The following GRIK1 variants were observed in gnomAD, a reference collection of about 807,000 sequenced individuals.
GRIK1 encodes glutamate receptor ionotropic, kainate 1.
In GRIK1, 69 loss-of-function variants were observed where a neutral mutation model predicts 105.7. That is an observed-to-expected ratio of 0.65 (90% CI 0.54 to 0.80). The LOEUF is 0.80. Ranked by LOEUF, GRIK1 falls within the 30% of genes least tolerant of loss-of-function variation. GRIK1 has a pLI of 0.00. For missense variants in GRIK1, 1,109 were observed against 1,167.3 expected (o/e 0.95, Z 0.73); for synonymous variants, 438 against 431.3 (o/e 1.02, Z -0.19).
chr21:29,766,413 C>T (rs189033625), intron 1 of GRIK1, among the ~76,000 whole-genome samples: 4 of 151,970 alleles, frequency 2.6e-5, no homozygotes, highest in African/African-American at 9.7e-5. Flanking sequence ...ACAGGGCAGC[C>T]CCCCACAATG....
At chr21:29,701,210 A>C (rs2063805763) in intron 1 of GRIK1, among the ~76,000 whole-genome samples, 1 of 152,196 alleles carries the variant, frequency 6.6e-6, no homozygotes, top group South Asian at 2.1e-4. Context: ...AGTGAGCAAC[A>C]GATACGCATC....
chr21:29,701,587 C>G lies in GRIK1; in HGVS notation c.119-7524G>C, dbSNP rs185287752. Among the ~76,000 whole-genome samples, 444 of 152,242 alleles carry G rather than the reference C, an allele frequency of 2.9e-3. 1 individual carries two copies. The highest frequency in any genetic ancestry group is 5.1e-3 in the Non-Finnish European group (345 of 68,026). On this transcript the variant is annotated intron_variant, in intron 1 of 17. Transcript: ENST00000327783. ...TTTTGTTCTGGGTGAGATGGGAAAC[C>G]ACTGGCCATCTTTGAGCAGAGGAGT...
At chr21:29,616,954 G>C (rs970599955) in intron 7 of GRIK1, among the ~76,000 whole-genome samples, 1 of 152,270 alleles carries the variant, frequency 6.6e-6, no homozygotes. Flanking sequence ...GGTTGGGCTT[G>C]TTCTCATTTA....
Position 29,560,400 on chromosome 21 carries a change from C to CTTTCTTTCTTTCTTTCTTT in GRIK1, c.2356+1223_2356+1224insAAAGAAAGAAAGAAAGAAA, listed in dbSNP as rs1601112863. Among the ~76,000 whole-genome samples the CTTTCTTTCTTTCTTTCTTT allele has an allele frequency of 8.8e-4, 59 of 67,122 alleles. 8 individuals carry two copies. The highest frequency in any genetic ancestry group is 4.4e-3 in the African/African-American group (47 of 10,780). 44.0% of individuals were successfully genotyped at this position (67,122 alleles called of 152,430 possible). On this transcript the variant is annotated intron_variant, in intron 15 of 17. Coordinates refer to ENST00000327783, the MANE Select transcript of GRIK1 (RefSeq NM_001330994.2). The stretch of plus-strand genomic sequence containing the variant: ...TCCTTCCTTCCTTCCTTCCTTCCTT[C>CTTTCTTTCTTTCTTTCTTT]CTTTCTTTCTTTCTTTCTTTCTTTC...
At chr21:29,654,578 A>G (rs2062808633) in intron 5 of GRIK1, among the ~76,000 whole-genome samples, 1 of 152,080 alleles carries the variant, frequency 6.6e-6, no homozygotes, top group South Asian at 2.1e-4. Context: ...CTGAATGCAC[A>G]TGCATTGATA....
intron 1 of GRIK1, among the ~76,000 whole-genome samples, chr21:29,743,208 T>C (rs982248639): frequency 7.9e-5 from 12 of 152,222 alleles, no homozygotes; most frequent in African/African-American, 2.7e-4. Context: ...TGTCAAGTGA[T>C]GGCTCACTGA....
chr21:29,679,579 A>G (rs1312617115), intron 3 of GRIK1, among the ~76,000 whole-genome samples: 1 of 152,200 alleles, frequency 6.6e-6, no homozygotes, highest in Non-Finnish European at 1.5e-5. Context: ...CTCAAACTTA[A>G]CATATTAATG....
At chr21:29,817,625 C>T (rs757867342) in intron 1 of GRIK1, among the ~76,000 whole-genome samples, 2 of 152,054 alleles carry the variant, frequency 1.3e-5, no homozygotes, top group Non-Finnish European at 2.9e-5. Flanking sequence ...TCTATGCCAG[C>T]AGCGCACCCT....
chr21:29,706,903 T>A (rs376696504), intron 1 of GRIK1, among the ~76,000 whole-genome samples: 1 of 152,182 alleles, frequency 6.6e-6, no homozygotes, highest in African/African-American at 2.4e-5. Flanking sequence ...CTCGCTCTGT[T>A]GCCCAGGCTG....
chr21:29,714,212 C>G (rs1167275699), intron 1 of GRIK1, among the ~76,000 whole-genome samples: 2 of 151,290 alleles, frequency 1.3e-5, no homozygotes, highest in Non-Finnish European at 2.9e-5. Context: ...AAGTGGGGTA[C>G]AGTTTGCTCT....
At chr21:29,815,318 C>T (rs1029673939) in intron 1 of GRIK1, among the ~76,000 whole-genome samples, 2 of 152,156 alleles carry the variant, frequency 1.3e-5, no homozygotes, top group Non-Finnish European at 1.5e-5. Context: ...TCAACTTTCT[C>T]ATGTGTGTAT....
At chr21:29,779,729 G>C (rs367988) in intron 1 of GRIK1, among the ~76,000 whole-genome samples, 24,519 of 152,090 alleles carry the variant, frequency 0.16, 1,934 homozygotes, top group Non-Finnish European at 0.16. Flanking sequence ...AGCAACATTA[G>C]CTAGGCTCCA....
At chr21:29,646,068 T>C (rs1014810436) in intron 6 of GRIK1, among the ~76,000 whole-genome samples, 4 of 152,068 alleles carry the variant, frequency 2.6e-5, no homozygotes, top group African/African-American at 7.2e-5. Flanking sequence ...CCAATAAGAG[T>C]GTCATTGTAT....
intron 1 of GRIK1, among the ~76,000 whole-genome samples, chr21:29,858,784 C>T (rs468604): frequency 0.33 from 50,591 of 151,146 alleles, 9,452 homozygotes; most frequent in African/African-American, 0.5. Context: ...AGAAGATTTA[C>T]TTCATAGAAA....
At chr21:29,813,787 A>G (rs1285981589) in intron 1 of GRIK1, among the ~76,000 whole-genome samples, 1 of 152,108 alleles carries the variant, frequency 6.6e-6, no homozygotes, top group Non-Finnish European at 1.5e-5. Context: ...ATAATACTGT[A>G]ATGCAAACCA....
chr21:29,740,221 T>C (rs1015786455), intron 1 of GRIK1, among the ~76,000 whole-genome samples: 11 of 148,826 alleles, frequency 7.4e-5, no homozygotes, highest in Non-Finnish European at 1.2e-4. Flanking sequence ...ATTTTCCTTT[T>C]CTTTTTTTTT....
intron 1 of GRIK1, among the ~76,000 whole-genome samples, chr21:29,855,515 A>T (rs1295879469): frequency 1.3e-5 from 2 of 152,236 alleles, no homozygotes; most frequent in Non-Finnish European, 2.9e-5. Context: ...TCTTAGACCA[A>T]GTACAGTATA....
chr21:29,824,810 A>G (rs2067404952), intron 1 of GRIK1, among the ~76,000 whole-genome samples: 2 of 152,014 alleles, frequency 1.3e-5, no homozygotes, highest in African/African-American at 4.8e-5. Flanking sequence ...TAAGAAGACA[A>G]AGAACAGCCG....
chr21:29,706,966 G>A (rs1474686655), intron 1 of GRIK1, among the ~76,000 whole-genome samples: 2 of 152,092 alleles, frequency 1.3e-5, no homozygotes, highest in Admixed American at 6.5e-5. Flanking sequence ...CCGGGTTCAC[G>A]CCATTCTCCT....
Sources: allele counts gnomAD v4.1 joint callset (sites outside exome capture counted in the v4.1 genomes callset), GRCh38; gene constraint gnomAD v4.1.1; transcripts MANE v1.5; gene names NCBI Gene and HGNC (gene_info 2026-07-23, HGNC 2026-07-21).